The following RP1 variants were observed in gnomAD, a reference collection of about 807,000 sequenced individuals.
RP1 encodes the protein RP1 axonemal microtubule associated, also known as oxygen-regulated protein 1.
Under a neutral mutation model 14.8 loss-of-function variants are expected in RP1, and 16 were observed. That is an observed-to-expected ratio of 1.08 (90% CI 0.73 to 1.65). The LOEUF (loss-of-function observed/expected upper bound fraction) is 1.65, where lower values mean the gene tolerates loss of function less well. Among genes scored for constraint, RP1 ranks in the 40% most tolerant of loss-of-function variants. The pLI, the probability that RP1 is intolerant of heterozygous loss-of-function variation, is 0.00. For synonymous variants in RP1, 876 were observed against 883.6 expected (o/e 0.99, Z 0.15); for missense variants, 2,631 against 2,535.0 (o/e 1.04, Z -0.81).
chr8:54,626,973 A>G lies in RP1; in HGVS notation c.3091A>G (p.Ile1031Val), dbSNP rs749003868. ...ACACTGTACTTTGTCACAGTCAGCT[A>G]TTAATGATCATAATACTAAAAGTCA... is the stretch of plus-strand genomic sequence containing the variant. The part of the protein sequence containing the change: ...HEHCTLSQSA[I>V]NDHNTKSHIA... Residue 1031 changes from isoleucine (I) to valine (V), a missense_variant, in exon 4 of 4, where the codon ATT becomes GTT. Coordinates refer to ENST00000220676, the MANE Select transcript of RP1 (RefSeq NM_006269.2). 5 of 1,613,936 alleles carry G rather than the reference A, an allele frequency of 3.1e-6. No individual in the cohort carries two copies. In the East Asian group the frequency reaches 6.7e-5, roughly 22 times the overall value.
At chr8:54,817,847 G>A (rs1374088551) in intron 24 of RP1, among the ~76,000 whole-genome samples, 1 of 151,906 alleles carries the variant, frequency 6.6e-6, no homozygotes, top group Non-Finnish European at 1.5e-5. Flanking sequence ...TAATTTATTA[G>A]ACTCAGGTGG....
intron 15 of RP1, among the ~76,000 whole-genome samples, chr8:54,715,334 T>A (rs1428261972): frequency 6.6e-6 from 1 of 152,182 alleles, no homozygotes; most frequent in Non-Finnish European, 1.5e-5. Flanking sequence ...CCCATCTACA[T>A]CTCTTTAATC....
intron 24 of RP1, among the ~76,000 whole-genome samples, chr8:54,816,577 T>G (rs1329390640): frequency 6.6e-6 from 1 of 152,240 alleles, no homozygotes; most frequent in African/African-American, 2.4e-5. Flanking sequence ...ATTATTCTCC[T>G]TGCCTTCATT....
intron 24 of RP1, among the ~76,000 whole-genome samples, chr8:54,830,286 C>CT (rs551098251): frequency 0.029 from 4,212 of 144,988 alleles, 136 homozygotes; most frequent in African/African-American, 0.096. Context: ...TTCTGTATTT[C>CT]TTTTTTTTTT....
chr8:54,689,295 A>T (rs981905919), intron 12 of RP1, among the ~76,000 whole-genome samples: 4 of 151,978 alleles, frequency 2.6e-5, no homozygotes, highest in Non-Finnish European at 4.4e-5. Flanking sequence ...CTAATTGAAT[A>T]CCCTTTATTT....
intron 28 of RP1, among the ~76,000 whole-genome samples, chr8:54,866,578 T>G (rs776304248): frequency 6.6e-6 from 1 of 152,142 alleles, no homozygotes; most frequent in Non-Finnish European, 1.5e-5. Context: ...GCACTAAACA[T>G]AGAAATTATG....
chr8:54,621,452 C>A lies in RP1; in HGVS notation c.486C>A (p.Gly162=), dbSNP rs767981824. 3.7e-6 allele frequency: 6 copies of A among 1,613,794 alleles called. No homozygotes were observed. The highest frequency in any genetic ancestry group is 1.3e-5 in the African/African-American group (1 of 74,898). Residue 162 remains glycine (G), a synonymous_variant, in exon 2 of 4, where the codon GGC becomes GGA. Transcript: ENST00000220676. ...PPRSLVVFRN[G]DPKTRRAVLL... ...GGAGCCTAGTGGTCTTCAGGAATGG[C>A]GACCCGAAGACGAGGCGTGCGGTTC...
At position 54,624,784 on chromosome 8, in the gene RP1, C is replaced by T; in HGVS notation, c.902C>T (p.Ala301Val). The T allele has an allele frequency of 3.7e-6, 6 of 1,613,838 alleles. No homozygotes were observed. Among genetic ancestry groups the T allele is most frequent in the Non-Finnish European group, 5.1e-6 (6 of 1,179,870 alleles). ...TCTTTTGTTCCTGAAAAGTACTTGGCCTTAGAAAAGAATGATTCTCAGAAT... is the reference window on the plus strand; with the variant it reads ...TCTTTTGTTCCTGAAAAGTACTTGGTCTTAGAAAAGAATGATTCTCAGAAT... ...DYSFVPEKYL[A>V]LEKNDSQNLP... Residue 301 changes from alanine to valine, a missense_variant, in exon 4 of 4, where the codon GCC (alanine) becomes GTC (valine). By Grantham distance (64) the Ala-to-Val change is moderately conservative. Coordinates refer to ENST00000220676, the MANE Select transcript of RP1 (RefSeq NM_006269.2).
chr8:54,678,199 T>C (rs1470163153), intron 8 of RP1, among the ~76,000 whole-genome samples: 2 of 152,206 alleles, frequency 1.3e-5, no homozygotes, highest in African/African-American at 4.8e-5. Context: ...TTGTTCTATT[T>C]TCAATTGTTT....
intron 1 of RP1, among the ~76,000 whole-genome samples, chr8:54,563,592 C>A (rs572849101): frequency 2.0e-5 from 3 of 152,158 alleles, no homozygotes; most frequent in Admixed American, 6.5e-5. Flanking sequence ...TCCTCCCAGG[C>A]TGGAATGCAG....
At chr8:54,759,273 G>A (rs1021548367) in intron 22 of RP1, among the ~76,000 whole-genome samples, 149 of 151,884 alleles carry the variant, frequency 9.8e-4, no homozygotes, top group Non-Finnish European at 2.6e-4. Flanking sequence ...TTGTAAGGAA[G>A]ACTTATCTTA....
chr8:54,805,365 A>C (rs1004749801), intron 24 of RP1, among the ~76,000 whole-genome samples: 1 of 152,192 alleles, frequency 6.6e-6, no homozygotes, highest in Non-Finnish European at 1.5e-5. Flanking sequence ...AACATTCTTC[A>C]CCAAGTTTGA....
chr8:54,783,784 T>C, intron 24 of RP1: 4 of 1,031,988 alleles, frequency 3.9e-6, no homozygotes, highest in Non-Finnish European at 5.0e-6. Context: ...AAATGGAGTG[T>C]AATTTTTTGT....
chr8:54,829,422 T>A (rs1811467443), intron 24 of RP1, among the ~76,000 whole-genome samples: 1 of 151,962 alleles, frequency 6.6e-6, no homozygotes, highest in South Asian at 2.1e-4. Flanking sequence ...AACCAGAAAA[T>A]AAAAGCATCC....
exon 29 of RP1, chr8:54,869,936 C>T: frequency 8.1e-7 from 1 of 1,228,068 alleles, no homozygotes; most frequent in Non-Finnish European, 1.0e-6. Context: ...GGTCTACCAT[C>T]TCCTGAAAGG....
At chr8:54,563,717 T>G (rs1263319648) in intron 1 of RP1, among the ~76,000 whole-genome samples, 1 of 152,076 alleles carries the variant, frequency 6.6e-6, no homozygotes, top group African/African-American at 2.4e-5. Flanking sequence ...GACTAATTTA[T>G]TTTTTATTTT....
chr8:54,675,331 G>A (rs963245536), intron 8 of RP1, among the ~76,000 whole-genome samples: 6 of 152,102 alleles, frequency 3.9e-5, no homozygotes, highest in Admixed American at 1.3e-4. Context: ...AGAGTCATGA[G>A]CCTTTATTCC....
rs575929849 is a variant in RP1, at chr8:54,639,871, C to T, written c.788-9114C>T. On this transcript the variant is annotated intron_variant, in intron 3 of 22. Transcript: ENST00000636932. ...AATATATTCAGATGTATGTCTTGCA[C>T]GCATTTTCTCCTAGTGTAATAGCTT... 1.2e-4 allele frequency among the ~76,000 whole-genome samples: 18 copies of T among 152,214 alleles called. No individual in the cohort carries two copies. The South Asian group carries it at 1.9e-3, about 16-fold the overall frequency.
At chr8:54,670,587 ATATATACATATATATGTATG>A (rs1182083539) in intron 7 of RP1, among the ~76,000 whole-genome samples, 2 of 141,138 alleles carry the variant, frequency 1.4e-5, no homozygotes, top group Admixed American at 1.5e-4. Context: ...GTATATGTAT[ATATATACATATATATGTATG>A]TATATGTATA....
Sources: gnomAD v4.1 joint callset for allele counts (sites outside exome capture counted in the v4.1 genomes callset) on GRCh38, gnomAD v4.1.1 for gene constraint, MANE v1.5 for transcripts, NCBI Gene and HGNC (gene_info 2026-07-23, HGNC 2026-07-21) for gene names.